The following DYNAP variants were observed in gnomAD, a reference collection of about 807,000 sequenced individuals.
The protein encoded by DYNAP is dynactin-associated protein.
DYNAP carries 7 observed loss-of-function variants against 8.5 expected under a neutral mutation model. The observed-to-expected ratio is 0.82, with a 90% CI of 0.47 to 1.54. The LOEUF is 1.54. DYNAP is among the 40% of genes most tolerant of loss of function. The probability of loss-of-function intolerance (pLI) is 0.01; values close to 1 mark genes in which losing one functional copy is unlikely to be tolerated. For synonymous variants in DYNAP, 77 were observed against 77.9 expected, an observed-to-expected ratio of 0.99 and a Z score of 0.06; for missense variants, 256 against 224.3, an observed-to-expected ratio of 1.14 and a Z score of -0.90.
At chr18:54,579,945 A>T in the DYNAP span, among the ~76,000 whole-genome samples, 3 of 152,350 alleles carry the variant, frequency 2.0e-5, no homozygotes, top group South Asian at 4.1e-4. Flanking sequence ...TTTTACTTCC[A>T]TCTGGATATT....
upstream of DYNAP, among the ~76,000 whole-genome samples, chr18:54,586,609 CTTTCCCT>C (rs1318745695): frequency 1.3e-5 from 2 of 152,142 alleles, no homozygotes; most frequent in Non-Finnish European, 2.9e-5. Context: ...TCTGAGTTGT[CTTTCCCT>C]TTTCCCCCCA....
intron 2 of DYNAP, among the ~76,000 whole-genome samples, chr18:54,596,002 A>G (rs1599453514): frequency 6.6e-6 from 1 of 152,252 alleles, no homozygotes; most frequent in African/African-American, 2.4e-5. Context: ...AGTAATCCAT[A>G]TCAATCATGG....
At chr18:54,575,728 C>T in the DYNAP span, among the ~76,000 whole-genome samples, 11,450 of 152,036 alleles carry the variant, frequency 0.075, 1,393 homozygotes, top group African/African-American at 0.26. Context: ...CATGAGCCAT[C>T]GCAGGTACCT....
chr18:54,578,097 A>G, the DYNAP span, among the ~76,000 whole-genome samples: 9 of 152,184 alleles, frequency 5.9e-5, no homozygotes, highest in Admixed American at 5.2e-4. Flanking sequence ...TGCCTCCCTC[A>G]GAGGAGGTAT....
chr18:54,580,651 C>T, the DYNAP span, among the ~76,000 whole-genome samples: 1 of 152,208 alleles, frequency 6.6e-6, no homozygotes, highest in Non-Finnish European at 1.5e-5. Flanking sequence ...ATTAAGTTAT[C>T]TTTGACTATT....
the DYNAP span, among the ~76,000 whole-genome samples, chr18:54,579,090 C>T: frequency 1.2e-4 from 19 of 152,080 alleles, no homozygotes; most frequent in Non-Finnish European, 2.2e-4. Flanking sequence ...TGAGCCACCG[C>T]GCCCGGCCAG....
At chr18:54,591,418 T>C in intron 1 of DYNAP, 79 bp downstream of exon 1, 1 of 1,473,174 alleles carries the variant, frequency 6.8e-7, no homozygotes, top group Non-Finnish European at 9.1e-7. Flanking sequence ...TTTAATCTCT[T>C]TATTACTATC....
Position 54,595,110 on chromosome 18 carries a change from T to G in DYNAP, c.222+7T>G. The G allele has an allele frequency of 6.2e-7, 1 of 1,607,384 alleles. No individual in the cohort carries two copies. On this transcript the variant is annotated splice_region_variant and intron_variant, in intron 2 of 2. Coordinates refer to ENST00000648945, the MANE Select transcript of DYNAP (RefSeq NM_173629.3). ...AGAATCCTGTAACACACAGGTAATG[T>G]GTAGCACGGGAGCTTTTATTCAAGT...
At position 54,594,840 on chromosome 18, in the gene DYNAP, A is replaced by T. The variant is rs1056451602; in HGVS notation, c.58-99A>T. ...TAAGAAAACATTTATTCCTTTTAAA[A>T]GTCATACTCTTAGGTACTTTTGATA... is the stretch of plus-strand genomic sequence containing the variant. On this transcript the variant is annotated intron_variant, in intron 1 of 2. Transcript: ENST00000648945. The T allele has an allele frequency of 8.1e-5, 106 of 1,307,566 alleles. 1 individual carries two copies. Among genetic ancestry groups the T allele is most frequent in the Middle Eastern group, 6.0e-4 (3 of 5,000 alleles). 81.0% of individuals were successfully genotyped at this position (1,307,566 alleles called of 1,614,324 possible). A position where few individuals can be genotyped will look rare whatever the true frequency, so the allele number is the denominator to read the frequency against.
chr18:54,584,859 T>C (rs1206190666), upstream of DYNAP, among the ~76,000 whole-genome samples: 1 of 152,190 alleles, frequency 6.6e-6, no homozygotes, highest in Non-Finnish European at 1.5e-5. Flanking sequence ...AAAAATGGTG[T>C]GGCTGGGGCA....
At chr18:54,591,499 C>A (rs1356251660) in intron 1 of DYNAP, among the ~76,000 whole-genome samples, 160 bp downstream of exon 1, 2 of 152,054 alleles carry the variant, frequency 1.3e-5, no homozygotes, top group Admixed American at 6.6e-5. Context: ...TGTGCTGTAA[C>A]TTTCATGTTT....
the DYNAP span, among the ~76,000 whole-genome samples, chr18:54,580,972 G>A: frequency 9.3e-4 from 141 of 152,176 alleles, 1 homozygote; most frequent in African/African-American, 3.1e-3. Context: ...AACCTCACAA[G>A]GAAATCTTTA....
the DYNAP span, among the ~76,000 whole-genome samples, chr18:54,579,958 G>T: frequency 6.6e-6 from 1 of 152,140 alleles, no homozygotes; most frequent in African/African-American, 2.4e-5. Flanking sequence ...TGGATATTTT[G>T]ATGTAATGAG....
upstream of DYNAP, chr18:54,587,864 T>C (rs982461708): frequency 2.5e-6 from 1 of 400,824 alleles, no homozygotes; most frequent in Non-Finnish European, 4.4e-6. Context: ...TACCAACTTC[T>C]AGGTAAGTCA....
upstream of DYNAP, chr18:54,591,096 A>C (rs1016858924): frequency 1.7e-6 from 2 of 1,152,982 alleles, no homozygotes; most frequent in Non-Finnish European, 2.3e-6. Context: ...TTAACATTTC[A>C]TTTCCTCCTC....
upstream of DYNAP, among the ~76,000 whole-genome samples, chr18:54,585,218 G>A (rs139329804): frequency 6.6e-5 from 10 of 152,082 alleles, no homozygotes; most frequent in East Asian, 1.9e-3. Context: ...AATTAATTTA[G>A]GGATATTTAT....
In DYNAP at chr18:54,598,346, A is replaced by G. The variant is rs1453514215; in HGVS notation, c.*201A>G. 1.8e-6 allele frequency: 1 copy of G among 557,756 alleles called. No individual in the cohort carries two copies. The highest frequency in any genetic ancestry group is 1.9e-5 in the African/African-American group (1 of 53,462). 34.6% of individuals were successfully genotyped at this position (557,756 alleles called of 1,614,324 possible). Reference sequence around the variant, plus strand: ...TTACTTGACAACTCAAATAATCACCACTTCGACCATCTCTTTGACTGAATC... The same window carrying G: ...TTACTTGACAACTCAAATAATCACCGCTTCGACCATCTCTTTGACTGAATC... On this transcript the variant is annotated 3_prime_UTR_variant, in exon 3 of 3. Transcript: ENST00000648945.
At chr18:54,587,761 G>A (rs1910929382), upstream of DYNAP, 1 of 399,660 alleles carries the variant, frequency 2.5e-6, no homozygotes, top group Admixed American at 4.4e-5. Context: ...CCATATAGGA[G>A]GATCAGGGTG....
At chr18:54,579,640 C>T in the DYNAP span, among the ~76,000 whole-genome samples, 1 of 152,186 alleles carries the variant, frequency 6.6e-6, no homozygotes, top group Non-Finnish European at 1.5e-5. Flanking sequence ...TCATGTTGCT[C>T]AATAAGTATA....
Sources: allele counts gnomAD v4.1 joint callset (sites outside exome capture counted in the v4.1 genomes callset), GRCh38; gene constraint gnomAD v4.1.1; transcripts MANE v1.5; gene names NCBI Gene and HGNC (gene_info 2026-07-23, HGNC 2026-07-21).